Variants in JAM2 observed in about 807,000 individuals in gnomAD.
JAM2 encodes the protein junctional adhesion molecule B.
In JAM2, 17 loss-of-function variants were observed where a neutral mutation model predicts 42.0. The ratio of observed to expected loss-of-function variants is 0.40; its 90% CI spans 0.28 to 0.61. The LOEUF (loss-of-function observed/expected upper bound fraction) is 0.61, where lower values mean the gene tolerates loss of function less well. Ranked by LOEUF, JAM2 falls within the 20% of genes least tolerant of loss-of-function variation. The probability of loss-of-function intolerance (pLI) is 0.37; values close to 1 mark genes in which losing one functional copy is unlikely to be tolerated. For synonymous variants in JAM2, 118 were observed against 128.6 expected (o/e 0.92, Z 0.56); for missense variants, 319 against 358.3 (o/e 0.89, Z 0.89).
At chr21:25,703,169 C>A (rs1390349041) in intron 6 of JAM2, among the ~76,000 whole-genome samples, 1 of 152,154 alleles carries the variant, frequency 6.6e-6, no homozygotes, top group Non-Finnish European at 1.5e-5. Context: ...ATGGTTTTTA[C>A]CATTACCTTG....
At chr21:25,703,792 T>C (rs2034216986) in intron 6 of JAM2, among the ~76,000 whole-genome samples, 1 of 150,782 alleles carries the variant, frequency 6.6e-6, no homozygotes, top group African/African-American at 2.4e-5. Flanking sequence ...CACAAAATAT[T>C]TTCATACTTA....
intron 2 of JAM2, among the ~76,000 whole-genome samples, chr21:25,686,304 A>T (rs146502377): frequency 3.2e-4 from 49 of 152,240 alleles, no homozygotes; most frequent in African/African-American, 1.2e-3. Flanking sequence ...TTTTAATTCT[A>T]TTGTATATGT....
intron 6 of JAM2, 25 bp from the exon 7 acceptor site, chr21:25,705,954 A>G (rs2034261651): frequency 2.8e-6 from 4 of 1,450,956 alleles, no homozygotes; most frequent in Non-Finnish European, 2.9e-6. Flanking sequence ...ACATATATTT[A>G]TGCGTAATTT....
chr21:25,690,054 G>A (rs1045779861), intron 3 of JAM2, 81 bp downstream of exon 3: 7 of 825,190 alleles, frequency 8.5e-6, no homozygotes, highest in Non-Finnish European at 1.4e-5. Flanking sequence ...AAATGAGATC[G>A]GACATGACTG....
chr21:25,701,922 GT>G (rs2034174130), intron 5 of JAM2, among the ~76,000 whole-genome samples: 1 of 144,634 alleles, frequency 6.9e-6, no homozygotes, highest in Non-Finnish European at 1.5e-5. Flanking sequence ...TGCTTTCATG[GT>G]TAAAAAAAAA....
intron 7 of JAM2, among the ~76,000 whole-genome samples, chr21:25,709,093 AT>A (rs766713610): frequency 4.7e-4 from 72 of 151,626 alleles, no homozygotes; most frequent in Non-Finnish European, 7.5e-4. Context: ...CCCCAAAAGC[AT>A]TCCATTTCTC....
At chr21:25,697,973 A>T (rs562586994) in intron 4 of JAM2, among the ~76,000 whole-genome samples, 8 of 150,518 alleles carry the variant, frequency 5.3e-5, no homozygotes, top group East Asian at 3.9e-4. Flanking sequence ...GCTCTCTCTC[A>T]CACACACACA....
At chr21:25,682,876 C>A (rs2033667409) in intron 1 of JAM2, among the ~76,000 whole-genome samples, 1 of 151,894 alleles carries the variant, frequency 6.6e-6, no homozygotes, top group African/African-American at 2.4e-5. Flanking sequence ...CTCTGACCAC[C>A]CCCAGTCGAA....
At chr21:25,673,459 A>G (rs919488438) in intron 1 of JAM2, among the ~76,000 whole-genome samples, 5 of 152,244 alleles carry the variant, frequency 3.3e-5, no homozygotes, top group African/African-American at 1.2e-4. Context: ...ACTTTTGTGC[A>G]TAAATATACA....
intron 1 of JAM2, among the ~76,000 whole-genome samples, chr21:25,680,800 CGATG>C (rs557196760): frequency 5.0e-4 from 75 of 150,044 alleles, no homozygotes; most frequent in Non-Finnish European, 6.6e-4. Context: ...GGATGACGAT[CGATG>C]GATGGATGGA....
chr21:25,645,177 G>A (rs754685771), intron 1 of JAM2, among the ~76,000 whole-genome samples: 1 of 152,162 alleles, frequency 6.6e-6, no homozygotes, highest in African/African-American at 2.4e-5. Flanking sequence ...CACCGCGCCT[G>A]GCCTAAAGCT....
intron 1 of JAM2, among the ~76,000 whole-genome samples, chr21:25,680,359 A>G (rs1269110930): frequency 6.6e-6 from 1 of 152,206 alleles, no homozygotes; most frequent in East Asian, 1.9e-4. Context: ...TGGGAAAGAG[A>G]TGGAAGGAAA....
intron 1 of JAM2, among the ~76,000 whole-genome samples, chr21:25,657,946 T>C (rs1383576685): frequency 6.6e-6 from 1 of 152,212 alleles, no homozygotes; most frequent in Non-Finnish European, 1.5e-5. Context: ...TTCATAAAGT[T>C]GACTGTATAG....
At chr21:25,694,494 A>G (rs764335591) in intron 4 of JAM2, among the ~76,000 whole-genome samples, 1 of 152,210 alleles carries the variant, frequency 6.6e-6, no homozygotes, top group Non-Finnish European at 1.5e-5. Context: ...ATTTGAATCC[A>G]GATGGGGTTA....
At chr21:25,674,438 C>T (rs1214778828) in intron 1 of JAM2, among the ~76,000 whole-genome samples, 1 of 152,034 alleles carries the variant, frequency 6.6e-6, no homozygotes, top group Non-Finnish European at 1.5e-5. Flanking sequence ...ATAAATTGCC[C>T]AGTCTCAGCA....
chr21:25,702,766 CACA>C (rs1294923008), intron 6 of JAM2, among the ~76,000 whole-genome samples: 1 of 152,154 alleles, frequency 6.6e-6, no homozygotes, highest in Non-Finnish European at 1.5e-5. Flanking sequence ...AAAAATTCAT[CACA>C]ACATGTTTAA....
chr21:25,698,939 A>T, intron 5 of JAM2, 60 bp downstream of exon 5: 1 of 1,436,524 alleles, frequency 7.0e-7, no homozygotes, highest in Non-Finnish European at 9.7e-7. Flanking sequence ...AAAAATTATT[A>T]GAACTTAAGA....
chr21:25,688,881 G>A (rs1243806306), intron 2 of JAM2, among the ~76,000 whole-genome samples: 1 of 152,144 alleles, frequency 6.6e-6, no homozygotes, highest in African/African-American at 2.4e-5. Flanking sequence ...CATATGCCTT[G>A]TGGGGAAAAA....
chr21:25,670,400 G>A (rs1409184653), intron 1 of JAM2, among the ~76,000 whole-genome samples: 1 of 151,890 alleles, frequency 6.6e-6, no homozygotes. Context: ...TGCAGTGATC[G>A]CTGGAGCCCC....
Sources: allele counts gnomAD v4.1 joint callset (sites outside exome capture counted in the v4.1 genomes callset), GRCh38; gene constraint gnomAD v4.1.1; transcripts MANE v1.5; gene names NCBI Gene and HGNC (gene_info 2026-07-23, HGNC 2026-07-21).